The following AGAP5 variants were observed in gnomAD, a reference collection of about 807,000 sequenced individuals.
AGAP5 encodes ArfGAP with GTPase domain, ankyrin repeat and PH domain 5.
A neutral mutation model predicts 27.7 loss-of-function variants in AGAP5; 8 were observed. The observed-to-expected ratio is 0.29, with a 90% CI of 0.17 to 0.52. The LOEUF is 0.52. AGAP5 is among the 20% of genes least tolerant of loss of function. AGAP5 has a pLI of 0.97. For synonymous variants in AGAP5, 111 were observed against 338.0 expected (o/e 0.33, Z 7.37); for missense variants, 285 against 880.8 (o/e 0.32, Z 8.56).
intron 4 of AGAP5, among the ~76,000 whole-genome samples, chr10:73,688,469 G>GA (rs775700112): frequency 3.7e-4 from 55 of 149,726 alleles, no homozygotes; most frequent in Non-Finnish European, 7.4e-4. Context: ...CAAAACAATA[G>GA]AAAAAAGGAA....
In AGAP5 at chr10:73,689,328, G is replaced by A. The variant is rs188958662; in HGVS notation, c.396+2715C>T. Among the ~76,000 whole-genome samples, 797 of 152,316 alleles carry A rather than the reference G, an allele frequency of 5.2e-3. 11 individuals carry two copies. The highest frequency in any genetic ancestry group is 0.018 in the African/African-American group (748 of 41,552). On this transcript the variant is annotated intron_variant, in intron 4 of 7. Coordinates refer to ENST00000374094, the MANE Select transcript of AGAP5 (RefSeq NM_001144000.4). ...GGCTGGAGTGCAGTGGCGTGATCTC[G>A]GCTCGCTACAACCTCCACCTTCCAG...
At chr10:73,690,080 C>G (rs1204441310) in intron 4 of AGAP5, among the ~76,000 whole-genome samples, 2 of 152,248 alleles carry the variant, frequency 1.3e-5, no homozygotes, top group African/African-American at 4.8e-5. Context: ...AGCCCCTCTT[C>G]CCGGCCACCA....
At chr10:73,697,461 C>A in intron 1 of AGAP5, 72 bp downstream of exon 1, 1 of 1,601,454 alleles carries the variant, frequency 6.2e-7, no homozygotes, top group Non-Finnish European at 8.5e-7. Context: ...TGGGGGATGC[C>A]GTAAAGGGAA....
intron 4 of AGAP5, among the ~76,000 whole-genome samples, chr10:73,683,375 G>GTTT (rs2082039296): frequency 2.0e-5 from 2 of 98,912 alleles, no homozygotes; most frequent in Non-Finnish European, 4.4e-5. Context: ...AAAAAAGAAA[G>GTTT]AAAAGTTTAA....
chr10:73,690,496 A>G (rs1460535775), intron 4 of AGAP5, among the ~76,000 whole-genome samples: 1 of 151,900 alleles, frequency 6.6e-6, no homozygotes, highest in Admixed American at 6.6e-5. Context: ...TCCTCTGCCT[A>G]GGAAAACCAG....
chr10:73,686,626 A>T (rs912736300), intron 4 of AGAP5, among the ~76,000 whole-genome samples: 1 of 152,200 alleles, frequency 6.6e-6, no homozygotes, highest in Non-Finnish European at 1.5e-5. Flanking sequence ...AGTGGGAGGA[A>T]ATCTTCACAG....
In AGAP5 at chr10:73,678,878, G is replaced by A. The variant is rs112496268; in HGVS notation, c.533+1193C>T. Among the ~76,000 whole-genome samples the A allele has an allele frequency of 2.0e-3, 309 of 151,398 alleles. 2 individuals are homozygous for A. Among genetic ancestry groups the A allele is most frequent in the African/African-American group, 6.8e-3 (279 of 41,176 alleles). ...CTTCTTTTTCTCTTTTTTTGAGACA[G>A]AGTCTCTCTCTGTCACCCAGGCTGG... On this transcript the variant is annotated intron_variant, in intron 6 of 7. Coordinates refer to ENST00000374094, the MANE Select transcript of AGAP5 (RefSeq NM_001144000.4).
chr10:73,691,651 C>T (rs1039546634), intron 4 of AGAP5, among the ~76,000 whole-genome samples: 3 of 152,064 alleles, frequency 2.0e-5, no homozygotes, highest in Admixed American at 2.0e-4. Flanking sequence ...CACCACCACG[C>T]CCGGCTACTT....
At position 73,675,852 on chromosome 10, in the gene AGAP5, C is replaced by T; in HGVS notation, c.808G>A (p.Glu270Lys). The change falls in exon 8 of 8, where the codon GAG (glutamate) becomes AAG (lysine). Residue 270 changes from glutamate to lysine, a missense_variant. Physicochemically the swap from Glu to Lys is moderately conservative, Grantham distance 56. Transcript: ENST00000374094. ...SHPDKERKAP[E>K]NHADTIGSGR... Reference sequence around the variant, plus strand: ...CTCCCGATGGTGTCAGCATGATTCTCCGGGGCTTTCCTCTCTTTGTCTGGG... The same window carrying T: ...CTCCCGATGGTGTCAGCATGATTCTTCGGGGCTTTCCTCTCTTTGTCTGGG... The T allele has an allele frequency of 6.2e-7, 1 of 1,613,836 alleles. No homozygotes were observed. The highest frequency in any genetic ancestry group is 8.5e-7 in the Non-Finnish European group (1 of 1,179,924).
In AGAP5 at chr10:73,693,961, T is replaced by C. The variant is rs1403150269; in HGVS notation, c.361+775A>G. Among the ~76,000 whole-genome samples, 9 of 152,108 alleles carry C rather than the reference T, an allele frequency of 5.9e-5. No homozygotes were observed. In the South Asian group the frequency reaches 1.0e-3, roughly 18 times the overall value. ...AATGAAGACAAATTCTAACCAGAAA[T>C]AACTGACTCAAGATGGGCAAAGTCT... On this transcript the variant is annotated intron_variant, in intron 3 of 7. Coordinates refer to ENST00000374094, the MANE Select transcript of AGAP5 (RefSeq NM_001144000.4).
At chr10:73,679,318 A>G (rs868270649) in intron 6 of AGAP5, among the ~76,000 whole-genome samples, 1 of 151,976 alleles carries the variant, frequency 6.6e-6, no homozygotes, top group South Asian at 2.1e-4. Context: ...GCGTGCCACC[A>G]TGCCCAGCTA....
chr10:73,694,980 C>T (rs2082149197), intron 2 of AGAP5, among the ~76,000 whole-genome samples, 176 bp from the exon 3 acceptor site: 1 of 151,814 alleles, frequency 6.6e-6, no homozygotes, highest in Non-Finnish European at 1.5e-5. Flanking sequence ...TGCTTGTAGT[C>T]CCAGCTACTC....
At chr10:73,690,446 G>C (rs1003171408) in intron 4 of AGAP5, among the ~76,000 whole-genome samples, 25 of 152,124 alleles carry the variant, frequency 1.6e-4, no homozygotes, top group African/African-American at 6.0e-4. Context: ...TCCCTAATCT[G>C]AAGTACCCAG....
chr10:73,691,232 T>C (rs1375621982), intron 4 of AGAP5, among the ~76,000 whole-genome samples: 1 of 152,346 alleles, frequency 6.6e-6, no homozygotes, highest in South Asian at 2.1e-4. Flanking sequence ...GAAGGACATG[T>C]AATGCAGAGG....
intron 2 of AGAP5, among the ~76,000 whole-genome samples, chr10:73,695,215 T>C (rs180912802): frequency 6.6e-6 from 1 of 152,154 alleles, no homozygotes; most frequent in South Asian, 2.1e-4. Flanking sequence ...ATTCTAGAGT[T>C]TTTAAAATTT....
intron 2 of AGAP5, among the ~76,000 whole-genome samples, chr10:73,695,213 G>A (rs1466834426): frequency 6.6e-6 from 1 of 152,122 alleles, no homozygotes; most frequent in African/African-American, 2.4e-5. Context: ...GTATTCTAGA[G>A]TTTTTAAAAT....
In AGAP5 at chr10:73,674,979, C is replaced by T. The variant is rs2081964961; in HGVS notation, c.1681G>A (p.Glu561Lys). The part of the protein sequence containing the change: ...QTKPSVKSTR[E>K]EKERWIRSKY... ...GAACGGATCCACCGTTCCTTCTCTT[C>T]CCTCGTGGACTTTACTGAGGGTTTT... The change falls in exon 8 of 8, where the codon GAA becomes AAA. Residue 561 changes from glutamate (E) to lysine (K), a missense_variant. Transcript: ENST00000374094. The T allele has an allele frequency of 6.2e-7, 1 of 1,613,066 alleles. No homozygotes were observed. Among genetic ancestry groups the T allele is most frequent in the Non-Finnish European group, 8.5e-7 (1 of 1,179,944 alleles).
intron 2 of AGAP5, 24 bp from the exon 3 acceptor site, chr10:73,694,828 A>G: frequency 6.3e-7 from 1 of 1,597,588 alleles, no homozygotes; most frequent in South Asian, 1.1e-5. Context: ...GGAAGAAAAG[A>G]AAAAAAGATG....
At chr10:73,694,856 T>G in intron 2 of AGAP5, 52 bp from the exon 3 acceptor site, 1 of 1,597,102 alleles carries the variant, frequency 6.3e-7, no homozygotes, top group Non-Finnish European at 8.5e-7. Context: ...TGATAAAAAT[T>G]TATCAACTCG....
Sources: allele counts gnomAD v4.1 joint callset (sites outside exome capture counted in the v4.1 genomes callset), GRCh38; gene constraint gnomAD v4.1.1; transcripts MANE v1.5; gene names NCBI Gene and HGNC (gene_info 2026-07-23, HGNC 2026-07-21).